The following CPVL variants were observed in gnomAD, a reference collection of about 807,000 sequenced individuals.
The protein encoded by CPVL is carboxypeptidase vitellogenic like, also known as probable serine carboxypeptidase CPVL.
A neutral mutation model predicts 63.7 loss-of-function variants in CPVL; 51 were observed. That is an observed-to-expected ratio of 0.80 (90% CI 0.64 to 1.01). CPVL has a LOEUF of 1.01. Among genes scored for constraint, CPVL ranks in the 50% least tolerant of loss-of-function variants. CPVL has a pLI of 0.00. For synonymous variants in CPVL, 195 were observed against 206.0 expected (o/e 0.95, Z 0.46); for missense variants, 530 against 573.1 (o/e 0.92, Z 0.77).
chr7:29,177,848 C>T (rs967829823), intron 5 of CPVL, among the ~76,000 whole-genome samples: 5 of 152,080 alleles, frequency 3.3e-5, no homozygotes, highest in African/African-American at 1.2e-4. Context: ...ACCCAGACCT[C>T]TCTCCAAACC....
At chr7:29,060,407 C>T (rs1169178667) in intron 11 of CPVL, among the ~76,000 whole-genome samples, 1 of 152,188 alleles carries the variant, frequency 6.6e-6, no homozygotes, top group Non-Finnish European at 1.5e-5. Flanking sequence ...TCATAACCAC[C>T]ATACTCTATT....
chr7:29,068,139 A>T (rs1783321085), intron 9 of CPVL, among the ~76,000 whole-genome samples: 1 of 150,744 alleles, frequency 6.6e-6, no homozygotes, highest in Admixed American at 6.6e-5. Flanking sequence ...CGAGTACCTG[A>T]GATTAAAGGC....
intron 11 of CPVL, among the ~76,000 whole-genome samples, chr7:29,032,125 C>A (rs1457172967): frequency 2.0e-5 from 3 of 152,112 alleles, no homozygotes; most frequent in Non-Finnish European, 4.4e-5. Context: ...TCTGATTTGG[C>A]CCGAGTGGAG....
chr7:28,997,353 G>T (rs1397616615), intron 12 of CPVL, among the ~76,000 whole-genome samples: 2 of 152,190 alleles, frequency 1.3e-5, no homozygotes, highest in East Asian at 1.9e-4. Context: ...TTCCTAAGAG[G>T]CTGGGTTCTT....
intron 9 of CPVL, among the ~76,000 whole-genome samples, chr7:29,066,854 C>G (rs1783185263): frequency 6.6e-6 from 1 of 152,182 alleles, no homozygotes; most frequent in Admixed American, 6.5e-5. Flanking sequence ...TGGAGACAAG[C>G]ACAGCCTGAC....
chr7:29,170,756 T>C (rs192253122), intron 5 of CPVL, among the ~76,000 whole-genome samples: 2 of 152,332 alleles, frequency 1.3e-5, no homozygotes, highest in Admixed American at 6.5e-5. Flanking sequence ...AGAGGTTTAA[T>C]TGGACTTATA....
intron 12 of CPVL, among the ~76,000 whole-genome samples, chr7:29,003,711 G>A (rs1784892944): frequency 6.6e-6 from 1 of 152,194 alleles, no homozygotes; most frequent in Admixed American, 6.5e-5. Context: ...TGACACCAGG[G>A]ACCAATTTTG....
upstream of CPVL, chr7:29,146,762 G>T: frequency 6.5e-7 from 1 of 1,549,278 alleles, no homozygotes; most frequent in Non-Finnish European, 8.7e-7. Context: ...TTGTCCCTTT[G>T]TTTTATTTTG....
At chr7:29,009,424 G>C (rs1482871241) in intron 12 of CPVL, 1 of 152,080 alleles carries the variant, frequency 6.6e-6, no homozygotes, top group Non-Finnish European at 1.5e-5. Context: ...GGCTGACACA[G>C]ACACAAGGAG....
intron 7 of CPVL, among the ~76,000 whole-genome samples, chr7:29,084,616 TC>T (rs1304135290): frequency 6.6e-6 from 1 of 152,192 alleles, no homozygotes; most frequent in Non-Finnish European, 1.5e-5. Context: ...GCACCTGTGT[TC>T]TCAAATGATT....
At chr7:29,129,794 A>G (rs1416030729) in intron 1 of CPVL, among the ~76,000 whole-genome samples, 1 of 152,072 alleles carries the variant, frequency 6.6e-6, no homozygotes, top group Non-Finnish European at 1.5e-5. Flanking sequence ...CCAACCTAAT[A>G]ATTAGCTACA....
At chr7:29,107,767 T>C (rs1210355293) in intron 3 of CPVL, among the ~76,000 whole-genome samples, 1 of 152,162 alleles carries the variant, frequency 6.6e-6, no homozygotes, top group African/African-American at 2.4e-5. Context: ...AGTAGCACAT[T>C]TGGGAATTCC....
intron 9 of CPVL, among the ~76,000 whole-genome samples, chr7:29,071,096 T>C (rs1449757756): frequency 6.6e-6 from 1 of 152,030 alleles, no homozygotes; most frequent in Non-Finnish European, 1.5e-5. Context: ...TCTGTCTGCA[T>C]TGGCAAAAAA....
chr7:29,115,202 T>C (rs1017016475), intron 2 of CPVL, among the ~76,000 whole-genome samples: 3 of 152,184 alleles, frequency 2.0e-5, no homozygotes, highest in Non-Finnish European at 2.9e-5. Context: ...ACATAAAATA[T>C]GGGTTCAGTC....
chr7:29,184,055 TG>T (rs1365590659), intron 4 of CPVL, among the ~76,000 whole-genome samples: 1 of 151,950 alleles, frequency 6.6e-6, no homozygotes, highest in Non-Finnish European at 1.5e-5. Context: ...ATAAGACACT[TG>T]GGCATATGCA....
At chr7:29,139,321 C>T (rs770260697) in intron 1 of CPVL, among the ~76,000 whole-genome samples, 14 of 152,244 alleles carry the variant, frequency 9.2e-5, no homozygotes, top group Admixed American at 5.9e-4. Flanking sequence ...CTATATAATT[C>T]CCAAAATCCC....
chr7:29,093,393 A>AG (rs1219532940), intron 5 of CPVL, among the ~76,000 whole-genome samples: 2 of 149,538 alleles, frequency 1.3e-5, no homozygotes, highest in African/African-American at 4.9e-5. Flanking sequence ...AAAAAAAAAA[A>AG]AAAAAGAAAG....
At chr7:29,189,685 C>T (rs1053647765) in intron 1 of CPVL, among the ~76,000 whole-genome samples, 2 of 152,072 alleles carry the variant, frequency 1.3e-5, no homozygotes, top group African/African-American at 4.8e-5. Flanking sequence ...CTCTCGGCCC[C>T]CCACCCCCTA....
At chr7:29,046,590 CACAT>C (rs1279601636) in intron 11 of CPVL, among the ~76,000 whole-genome samples, 1 of 148,776 alleles carries the variant, frequency 6.7e-6, no homozygotes, top group African/African-American at 2.6e-5. Context: ...CACACACACA[CACAT>C]ACTCATACAC....
Sources: allele counts gnomAD v4.1 joint callset (sites outside exome capture counted in the v4.1 genomes callset), GRCh38; gene constraint gnomAD v4.1.1; transcripts MANE v1.5; gene names NCBI Gene and HGNC (gene_info 2026-07-23, HGNC 2026-07-21).